The following MACROD2 variants were observed in gnomAD, a reference collection of about 807,000 sequenced individuals.
MACROD2 encodes the protein mono-ADP ribosylhydrolase 2, also known as ADP-ribose glycohydrolase MACROD2.
Under a neutral mutation model 70.4 loss-of-function variants are expected in MACROD2, and 36 were observed. That is an observed-to-expected ratio of 0.51 (90% CI 0.39 to 0.68). The LOEUF (loss-of-function observed/expected upper bound fraction) is 0.68, where lower values mean the gene tolerates loss of function less well. MACROD2 is among the 30% of genes least tolerant of loss of function. MACROD2 has a pLI of 0.00. For missense variants in MACROD2, 496 were observed against 538.4 expected (o/e 0.92, Z 0.78); for synonymous variants, 172 against 178.8 (o/e 0.96, Z 0.30).
At chr20:14,236,196 A>G (rs1476303640) in intron 3 of MACROD2, among the ~76,000 whole-genome samples, 1 of 152,152 alleles carries the variant, frequency 6.6e-6, no homozygotes, top group African/African-American at 2.4e-5. Flanking sequence ...TACGTCCTAT[A>G]ATTTCAATGT....
At chr20:15,609,519 G>A (rs1014715483) in intron 8 of MACROD2, among the ~76,000 whole-genome samples, 1 of 152,186 alleles carries the variant, frequency 6.6e-6, no homozygotes, top group African/African-American at 2.4e-5. Flanking sequence ...GCTTCTCTGA[G>A]TTAATTTGGA....
intron 3 of MACROD2, among the ~76,000 whole-genome samples, chr20:14,150,771 A>G (rs965221884): frequency 6.6e-6 from 1 of 152,222 alleles, no homozygotes; most frequent in African/African-American, 2.4e-5. Flanking sequence ...AGTAATAAAA[A>G]AGAAGAATGG....
At chr20:15,101,731 C>G (rs2075874639) in intron 5 of MACROD2, among the ~76,000 whole-genome samples, 1 of 151,802 alleles carries the variant, frequency 6.6e-6, no homozygotes. Flanking sequence ...GAATTATAGA[C>G]TCCTGGTTCT....
intron 3 of MACROD2, among the ~76,000 whole-genome samples, chr20:14,281,933 CAA>C (rs571115190): frequency 1.1e-4 from 11 of 96,572 alleles, no homozygotes; most frequent in Non-Finnish European, 1.9e-4. Context: ...GACTCCCTCT[CAA>C]AAAAAAAAAA....
chr20:14,392,609 A>T (rs2122807392), intron 3 of MACROD2, among the ~76,000 whole-genome samples: 1 of 152,324 alleles, frequency 6.6e-6, no homozygotes, highest in South Asian at 2.1e-4. Flanking sequence ...TAAAAATATA[A>T]TTTCTAGTCA....
intron 6 of MACROD2, among the ~76,000 whole-genome samples, chr20:15,250,881 T>C (rs1232956248): frequency 6.6e-6 from 1 of 152,240 alleles, no homozygotes; most frequent in Non-Finnish European, 1.5e-5. Context: ...ATTGAGTATA[T>C]TGCCTAACAT....
At chr20:15,317,068 G>A (rs111756813) in intron 6 of MACROD2, among the ~76,000 whole-genome samples, 20 of 151,994 alleles carry the variant, frequency 1.3e-4, no homozygotes, top group African/African-American at 3.9e-4. Context: ...AGTGCTCAGA[G>A]GGTGACTTAT....
At chr20:14,494,157 A>G (rs1380630552) in intron 4 of MACROD2, 1 of 152,094 alleles carries the variant, frequency 6.6e-6, no homozygotes, top group Non-Finnish European at 1.5e-5. Context: ...TCATAGTCCC[A>G]GTATATATAA....
At chr20:15,260,141 T>C (rs887182658) in intron 6 of MACROD2, among the ~76,000 whole-genome samples, 1 of 151,834 alleles carries the variant, frequency 6.6e-6, no homozygotes, top group African/African-American at 2.4e-5. Context: ...TTAGGAACAT[T>C]CCAATGGCAC....
chr20:15,351,430 G>A (rs2078225557), intron 6 of MACROD2, among the ~76,000 whole-genome samples: 1 of 152,110 alleles, frequency 6.6e-6, no homozygotes, highest in Non-Finnish European at 1.5e-5. Context: ...TTAAATGAAT[G>A]AGAATTTCCA....
intron 3 of MACROD2, among the ~76,000 whole-genome samples, chr20:14,214,650 T>A (rs1040255500): frequency 4.7e-5 from 7 of 149,360 alleles, no homozygotes; most frequent in Non-Finnish European, 7.4e-5. Context: ...TGGTATTTGG[T>A]TACATGAGTA....
intron 3 of MACROD2, among the ~76,000 whole-genome samples, chr20:14,180,561 G>A (rs2081297480): frequency 6.6e-6 from 1 of 152,050 alleles, no homozygotes; most frequent in East Asian, 1.9e-4. Context: ...ATTGCCTGAG[G>A]TGTTGTTCAG....
chr20:14,581,068 T>C lies in MACROD2; in HGVS notation c.301+87560T>C, dbSNP rs941257487. Among the ~76,000 whole-genome samples the C allele has an allele frequency of 2.0e-5, 3 of 152,306 alleles. No individual in the cohort carries two copies. The East Asian group carries it at 5.8e-4, about 29-fold the overall frequency. On this transcript the variant is annotated intron_variant, in intron 4 of 17. Transcript: ENST00000684519. ...AAAGGCTGATGTCGTGAGTGCCATA[T>C]ATGAGACTCTTTTTGAAATCTAAAA...
intron 5 of MACROD2, among the ~76,000 whole-genome samples, chr20:15,190,031 C>T (rs2076560124): frequency 6.6e-6 from 1 of 152,136 alleles, no homozygotes; most frequent in African/African-American, 2.4e-5. Context: ...CAAATACATA[C>T]TACTTCCTTC....
intron 3 of MACROD2, among the ~76,000 whole-genome samples, chr20:14,102,376 TGTTAATTATAAA>T (rs1386150250): frequency 6.6e-6 from 1 of 152,156 alleles, no homozygotes. Context: ...TTATTAAAAC[TGTTAATTATAAA>T]GTTACTGAAA....
intron 5 of MACROD2, among the ~76,000 whole-genome samples, chr20:15,174,535 G>A (rs1401025935): frequency 1.3e-5 from 2 of 152,000 alleles, no homozygotes; most frequent in Non-Finnish European, 2.9e-5. Flanking sequence ...GGGATGGCTG[G>A]GTCAAATGGT....
intron 5 of MACROD2, among the ~76,000 whole-genome samples, chr20:14,969,110 A>C (rs1319958150): frequency 6.6e-6 from 1 of 151,706 alleles, no homozygotes; most frequent in Non-Finnish European, 1.5e-5. Flanking sequence ...CCTTAGAACT[A>C]CTCATTCAGC....
intron 8 of MACROD2, among the ~76,000 whole-genome samples, chr20:15,622,459 G>A (rs1266238302): frequency 6.6e-6 from 1 of 152,114 alleles, no homozygotes; most frequent in Non-Finnish European, 1.5e-5. Flanking sequence ...CGGGTGACTT[G>A]AACACAAGCA....
At chr20:14,644,773 T>C (rs1600493414) in intron 4 of MACROD2, among the ~76,000 whole-genome samples, 4 of 152,194 alleles carry the variant, frequency 2.6e-5, no homozygotes, top group Non-Finnish European at 5.9e-5. Context: ...CAGAATTATA[T>C]TGCTGTTGTG....
Sources: allele counts gnomAD v4.1 joint callset (sites outside exome capture counted in the v4.1 genomes callset), GRCh38; gene constraint gnomAD v4.1.1; transcripts MANE v1.5; gene names NCBI Gene and HGNC (gene_info 2026-07-23, HGNC 2026-07-21).